The following RIC3 variants were observed in gnomAD, a reference collection of about 807,000 sequenced individuals.
RIC3 encodes protein RIC-3.
A neutral mutation model predicts 27.3 loss-of-function variants in RIC3; 28 were observed. That is an observed-to-expected ratio of 1.02 (90% confidence interval 0.76 to 1.41). The LOEUF (loss-of-function observed/expected upper bound fraction) is 1.41, where lower values mean the gene tolerates loss of function less well. Ranked by LOEUF, RIC3 falls within the 40% of genes most tolerant of loss-of-function variation. RIC3 has a pLI of 0.00. For missense variants in RIC3, 501 were observed against 444.7 expected, an observed-to-expected ratio of 1.13 and a Z score of -1.14; for synonymous variants, 184 against 160.4, an observed-to-expected ratio of 1.15 and a Z score of -1.11.
chr11:8,138,401 G>T lies in RIC3; in HGVS notation c.352-54C>A, dbSNP rs113296453. 5.2e-6 allele frequency: 6 copies of T among 1,151,998 alleles called. No individual in the cohort carries two copies. In the Admixed American group the frequency reaches 9.4e-5, roughly 18 times the overall value. 71.4% of individuals were successfully genotyped at this position (1,151,998 alleles called of 1,614,324 possible). A position where few individuals can be genotyped will look rare whatever the true frequency, so the allele number is the denominator to read the frequency against. On this transcript the variant is annotated intron_variant, in intron 2 of 5. Transcript: ENST00000309737. ...AACAGCAGCTCAGAACCTCAGTCAC[G>T]GAACCCCTCATATCAAACAAAAAAA...
Position 8,143,559 on chromosome 11 carries a change from C to G in RIC3, c.125-3366G>C, listed in dbSNP as rs1204447431. 2.0e-5 allele frequency among the ~76,000 whole-genome samples: 3 copies of G among 151,984 alleles called. No individual in the cohort carries two copies. The South Asian group carries it at 6.3e-4, about 32-fold the overall frequency. The stretch of plus-strand genomic sequence containing the variant: ...CAAACAAACGGAAGAACATTCCATG[C>G]TCATGGGTAGGAAGAATCAGTATCG... On this transcript the variant is annotated intron_variant, in intron 1 of 5. Transcript: ENST00000309737.
chr11:8,145,458 C>G (rs1949584322), intron 1 of RIC3, among the ~76,000 whole-genome samples: 2 of 152,172 alleles, frequency 1.3e-5, no homozygotes, highest in Admixed American at 1.3e-4. Context: ...TGTTCTTCAA[C>G]AGGCTAGCTG....
intron 5 of RIC3, among the ~76,000 whole-genome samples, chr11:8,113,005 T>A (rs558814435): frequency 6.6e-6 from 1 of 152,370 alleles, no homozygotes; most frequent in South Asian, 2.1e-4. Flanking sequence ...ACCAGTGATA[T>A]AAAGACTGTC....
intron 5 of RIC3, among the ~76,000 whole-genome samples, chr11:8,121,673 G>C (rs1387699018): frequency 6.6e-6 from 1 of 151,988 alleles, no homozygotes; most frequent in East Asian, 1.9e-4. Context: ...CAGATATCAA[G>C]CTACAGCACT....
intron 1 of RIC3, among the ~76,000 whole-genome samples, chr11:8,152,582 G>A (rs1590340849): frequency 6.6e-6 from 1 of 152,124 alleles, no homozygotes; most frequent in African/African-American, 2.4e-5. Flanking sequence ...TGCAGAGGAA[G>A]GAAAAAGTGA....
chr11:8,136,502 T>C (rs925349912), intron 4 of RIC3, among the ~76,000 whole-genome samples: 3 of 152,196 alleles, frequency 2.0e-5, no homozygotes, highest in Non-Finnish European at 4.4e-5. Flanking sequence ...ATATCCACGT[T>C]TTCTTGGTTG....
intron 5 of RIC3, among the ~76,000 whole-genome samples, chr11:8,113,604 G>A (rs1213495437): frequency 6.6e-6 from 1 of 152,104 alleles, no homozygotes; most frequent in Non-Finnish European, 1.5e-5. Flanking sequence ...CCAGTGCCAG[G>A]CTAGTCTCTA....
intron 1 of RIC3, among the ~76,000 whole-genome samples, chr11:8,151,364 G>A (rs1035104124): frequency 2.0e-5 from 3 of 151,738 alleles, no homozygotes; most frequent in Non-Finnish European, 4.4e-5. Flanking sequence ...GAGACGGGCG[G>A]ATCACGAGGT....
At chr11:8,100,247 C>G in the RIC3 span, among the ~76,000 whole-genome samples, 2 of 151,904 alleles carry the variant, frequency 1.3e-5, no homozygotes, top group African/African-American at 4.8e-5. Flanking sequence ...CGAGTGTGAC[C>G]AAGTAGTTTG....
chr11:8,117,988 C>T (rs184638106), intron 5 of RIC3, among the ~76,000 whole-genome samples: 4 of 151,608 alleles, frequency 2.6e-5, no homozygotes, highest in South Asian at 2.1e-4. Flanking sequence ...TTTGGGAGGC[C>T]GAGGCGGGCA....
intron 1 of RIC3, among the ~76,000 whole-genome samples, chr11:8,167,149 A>T (rs1174524395): frequency 1.3e-5 from 2 of 152,162 alleles, no homozygotes; most frequent in Non-Finnish European, 2.9e-5. Flanking sequence ...TAATAATCTT[A>T]AAGTATTTAT....
At chr11:8,129,492 A>G (rs1947425477) in intron 4 of RIC3, among the ~76,000 whole-genome samples, 1 of 152,156 alleles carries the variant, frequency 6.6e-6, no homozygotes, top group African/African-American at 2.4e-5. Context: ...TTAACCTTAA[A>G]TTCACCTCTT....
chr11:8,139,156 T>C (rs977443190), intron 2 of RIC3: 1 of 152,308 alleles, frequency 6.6e-6, no homozygotes, highest in Non-Finnish European at 1.5e-5. Flanking sequence ...CTACAGGTCA[T>C]CTTCCTTGCT....
chr11:8,120,894 A>G (rs540689047), intron 5 of RIC3, among the ~76,000 whole-genome samples: 1 of 152,246 alleles, frequency 6.6e-6, no homozygotes, highest in African/African-American at 2.4e-5. Context: ...GGCATAATCA[A>G]CGATTTTATA....
downstream of RIC3, chr11:8,104,403 C>T (rs1944439129): frequency 6.6e-6 from 1 of 152,260 alleles, no homozygotes. Flanking sequence ...CTTCTGGCTC[C>T]AAGGTGCTCT....
At chr11:8,097,439 G>A in the RIC3 span, 1 of 1,614,204 alleles carries the variant, frequency 6.2e-7, no homozygotes, top group South Asian at 1.1e-5. Context: ...AGGTTGGTCT[G>A]GGCATGTTAT....
chr11:8,134,398 A>T (rs931472877), intron 4 of RIC3, among the ~76,000 whole-genome samples: 3 of 152,262 alleles, frequency 2.0e-5, no homozygotes, highest in Admixed American at 2.0e-4. Flanking sequence ...TCTATCATTG[A>T]TGGACATCTG....
At chr11:8,122,503 G>A (rs1020838051) in intron 5 of RIC3, among the ~76,000 whole-genome samples, 2 of 151,846 alleles carry the variant, frequency 1.3e-5, no homozygotes, top group African/African-American at 4.8e-5. Context: ...AGACATATGG[G>A]TTGTTTCCAG....
chr11:8,138,705 C>G (rs894254440), intron 2 of RIC3: 1 of 238,122 alleles, frequency 4.2e-6, no homozygotes, highest in Non-Finnish European at 8.0e-6. Context: ...TTCTTAGCTC[C>G]CACAGTTTAG....
Sources: allele counts gnomAD v4.1 joint callset (sites outside exome capture counted in the v4.1 genomes callset), GRCh38; gene constraint gnomAD v4.1.1; transcripts MANE v1.5; gene names NCBI Gene and HGNC (gene_info 2026-07-23, HGNC 2026-07-21).